FMNL2: variants seen among roughly 807,000 people sequenced by gnomAD.
FMNL2 encodes the protein formin-like protein 2.
Under a neutral mutation model 130.2 loss-of-function variants are expected in FMNL2, and 51 were observed. The ratio of observed to expected loss-of-function variants is 0.39; its 90% CI spans 0.31 to 0.49. The LOEUF (loss-of-function observed/expected upper bound fraction) is 0.49, where lower values mean the gene tolerates loss of function less well. FMNL2 is among the 20% of genes least tolerant of loss of function. FMNL2 has a pLI of 0.85. For missense variants in FMNL2, 977 were observed against 1,316.2 expected (o/e 0.74, Z 3.99); for synonymous variants, 465 against 467.1 (o/e 1.00, Z 0.06).
At chr2:152,450,925 G>A (rs540632134) in intron 1 of FMNL2, among the ~76,000 whole-genome samples, 15 of 152,176 alleles carry the variant, frequency 9.9e-5, no homozygotes, top group Non-Finnish European at 2.1e-4. Context: ...AGGTTCTTCT[G>A]GGATGTGGCA....
chr2:152,337,229 A>C (rs1054965898), intron 1 of FMNL2, among the ~76,000 whole-genome samples: 6 of 152,020 alleles, frequency 3.9e-5, no homozygotes, highest in Non-Finnish European at 7.4e-5. Context: ...CCTAGGCATA[A>C]CTCTCAAGGC....
intron 1 of FMNL2, among the ~76,000 whole-genome samples, chr2:152,503,839 C>T (rs1003717464): frequency 1.3e-5 from 2 of 152,156 alleles, no homozygotes; most frequent in Non-Finnish European, 2.9e-5. Context: ...GATGTTCTCT[C>T]ACAACTGCAT....
chr2:152,592,556 G>A (rs1250115010), intron 9 of FMNL2, among the ~76,000 whole-genome samples: 1 of 152,128 alleles, frequency 6.6e-6, no homozygotes, highest in Non-Finnish European at 1.5e-5. Context: ...TTTATGTCAT[G>A]TACATAAAAA....
At chr2:152,498,674 T>A (rs1291118535) in intron 1 of FMNL2, among the ~76,000 whole-genome samples, 1 of 152,238 alleles carries the variant, frequency 6.6e-6, no homozygotes, top group African/African-American at 2.4e-5. Flanking sequence ...CAGATTTTAC[T>A]GACGATAATG....
intron 25 of FMNL2, among the ~76,000 whole-genome samples, chr2:152,642,959 A>AG: frequency 6.6e-6 from 1 of 152,150 alleles, no homozygotes; most frequent in Admixed American, 6.5e-5. Flanking sequence ...CAGTGAGCTG[A>AG]GATCATGCCA....
intron 1 of FMNL2, among the ~76,000 whole-genome samples, chr2:152,438,335 A>G (rs899912696): frequency 1.3e-5 from 2 of 152,204 alleles, no homozygotes; most frequent in Non-Finnish European, 2.9e-5. Flanking sequence ...AAGTAAAAGC[A>G]TGGCAAATTC....
rs138480213 is a variant in FMNL2 at position 152,639,297 on chromosome 2, G to A, written c.2947-661G>A. ...TAACAGCTGGGCTGGAGGATGTGGTGTCTGTGACCTTCTGCTTCAGCTGCA... is the reference window on the plus strand; with the variant it reads ...TAACAGCTGGGCTGGAGGATGTGGTATCTGTGACCTTCTGCTTCAGCTGCA... On this transcript the variant is annotated intron_variant, in intron 23 of 25. Transcript: ENST00000288670. Among the ~76,000 whole-genome samples the A allele has an allele frequency of 4.6e-5, 7 of 152,356 alleles. No individual in the cohort carries two copies. In the East Asian group the frequency reaches 1.4e-3, roughly 29 times the overall value.
chr2:152,479,004 A>G (rs537702129), intron 1 of FMNL2, among the ~76,000 whole-genome samples: 1 of 152,358 alleles, frequency 6.6e-6, no homozygotes, highest in Non-Finnish European at 1.5e-5. Flanking sequence ...TTCTTGGGAT[A>G]TAGGTGAAAT....
chr2:152,643,157 G>A (rs1025318048), intron 25 of FMNL2, among the ~76,000 whole-genome samples: 3 of 152,060 alleles, frequency 2.0e-5, no homozygotes, highest in Non-Finnish European at 4.4e-5. Flanking sequence ...ACTAGAAGAG[G>A]GGAATGAGTA....
chr2:152,639,964 G>A lies in FMNL2; in HGVS notation c.2953G>A (p.Glu985Lys). 3.2e-6 allele frequency: 5 copies of A among 1,554,856 alleles called. No homozygotes were observed. The highest frequency in any genetic ancestry group is 3.5e-6 in the Non-Finnish European group (4 of 1,150,322). The change falls in exon 24 of 26, where the codon GAA (glutamate) becomes AAA (lysine). Residue 985 changes from glutamate to lysine, a missense_variant. By Grantham distance (56) the Glu-to-Lys change is moderately conservative. Coordinates refer to ENST00000288670, the MANE Select transcript of FMNL2 (RefSeq NM_052905.4). ...VRFVKAYKQA[E>K]EENELRKKQE... ...GTTCTTTTGATTTACCCAGCAAGCA[G>A]AAGAGGAAAATGAGCTGAGGAAAAA... is the stretch of plus-strand genomic sequence containing the variant.
intron 1 of FMNL2, among the ~76,000 whole-genome samples, chr2:152,480,633 TAAAAAAAA>T (rs58943356): frequency 1.5e-3 from 56 of 37,394 alleles, no homozygotes; most frequent in African/African-American, 2.9e-3. Flanking sequence ...AGACTCTGTC[TAAAAAAAA>T]AAAAAAAAAA....
At chr2:152,532,358 C>T (rs956781802) in intron 2 of FMNL2, among the ~76,000 whole-genome samples, 6 of 152,018 alleles carry the variant, frequency 3.9e-5, no homozygotes, top group Admixed American at 1.3e-4. Flanking sequence ...GTGGCTAGAC[C>T]ATTTTGCATT....
At position 152,419,814 on chromosome 2, in the gene FMNL2, G is replaced by C. The variant is rs530783526; in HGVS notation, c.117+84094G>C. Among the ~76,000 whole-genome samples, 7 of 152,104 alleles carry C rather than the reference G, an allele frequency of 4.6e-5. No homozygotes were observed. The East Asian group carries it at 1.2e-3, about 25-fold the overall frequency. ...CTGTGACCTGTTTTGGAACTCTGGG[G>C]GAGCTTTATCAGGGAATACACTTGC... On this transcript the variant is annotated intron_variant, in intron 1 of 25. Transcript: ENST00000288670.
chr2:152,570,047 G>A (rs886427626), intron 6 of FMNL2, among the ~76,000 whole-genome samples: 69 of 151,114 alleles, frequency 4.6e-4, no homozygotes, highest in Admixed American at 2.5e-3. Context: ...TGCAAAAATC[G>A]CTTAGTTTTT....
At chr2:152,637,904 C>T (rs1580155705) in intron 23 of FMNL2, among the ~76,000 whole-genome samples, 2 of 152,218 alleles carry the variant, frequency 1.3e-5, no homozygotes, top group Middle Eastern at 3.2e-3. Flanking sequence ...TTGGCAGCCC[C>T]CTTGGGGCAA....
intron 1 of FMNL2, among the ~76,000 whole-genome samples, chr2:152,469,104 A>G (rs1198201431): frequency 6.6e-6 from 1 of 152,198 alleles, no homozygotes; most frequent in Non-Finnish European, 1.5e-5. Context: ...ATGAGCTGGA[A>G]TACACTGACG....
intron 1 of FMNL2, among the ~76,000 whole-genome samples, chr2:152,409,203 A>G (rs1209887070): frequency 1.3e-5 from 2 of 152,190 alleles, no homozygotes; most frequent in South Asian, 4.1e-4. Flanking sequence ...ATTCCAAATG[A>G]TTAGCTCAAA....
At chr2:152,469,182 G>GCCTCCTCCAGGACAGT (rs1689722097) in intron 1 of FMNL2, among the ~76,000 whole-genome samples, 1 of 152,138 alleles carries the variant, frequency 6.6e-6, no homozygotes, top group Non-Finnish European at 1.5e-5. Context: ...TCCAGGACAG[G>GCCTCCTCCAGGACAGT]CCTCCTCCTG....
chr2:152,557,238 C>T (rs1695269058), intron 4 of FMNL2, among the ~76,000 whole-genome samples: 1 of 152,080 alleles, frequency 6.6e-6, no homozygotes, highest in Admixed American at 6.5e-5. Flanking sequence ...TGAAATGAAA[C>T]TTCAGCCTCC....
Sources: allele counts gnomAD v4.1 joint callset (sites outside exome capture counted in the v4.1 genomes callset), GRCh38; gene constraint gnomAD v4.1.1; transcripts MANE v1.5; gene names NCBI Gene and HGNC (gene_info 2026-07-23, HGNC 2026-07-21).